The following RBM41 variants were observed in gnomAD, a reference collection of about 807,000 sequenced individuals.
RBM41 encodes the protein RNA binding motif protein 41.
Under a neutral mutation model 30.8 loss-of-function variants are expected in RBM41, and 14 were observed. The ratio of observed to expected loss-of-function variants is 0.45; its 90% CI spans 0.30 to 0.71. The LOEUF (loss-of-function observed/expected upper bound fraction) is 0.71. Ranked by LOEUF, RBM41 falls within the 30% of genes least tolerant of loss-of-function variation. RBM41 has a pLI of 0.08. For missense variants in RBM41, 276 were observed against 326.3 expected, an observed-to-expected ratio of 0.85 and a Z score of 1.19; for synonymous variants, 120 against 110.1, an observed-to-expected ratio of 1.09 and a Z score of -0.56.
chrX:107,056,809 A>C, the RBM41 span, among the ~76,000 whole-genome samples: 4 of 100,276 alleles, frequency 4.0e-5, no homozygotes, highest in Non-Finnish European at 7.7e-5. Flanking sequence ...TTCTCAAATA[A>C]TCTTTTTTTT....
At chrX:107,100,794 A>G (rs1923390622) in intron 5 of RBM41, among the ~76,000 whole-genome samples, 1 of 111,842 alleles carries the variant, frequency 8.9e-6, no homozygotes, top group Admixed American at 9.5e-5. Context: ...GAAAACATGT[A>G]CAAGAAAGAT....
At chrX:107,115,708 C>T in intron 3 of RBM41, 152 bp from the exon 4 acceptor site, 1 of 876,508 alleles carries the variant, frequency 1.1e-6, no homozygotes, top group South Asian at 2.7e-5. Flanking sequence ...TCTCTTTTAC[C>T]AATGTCTGCA....
intron 3 of RBM41, 21 bp downstream of exon 3, chrX:107,115,837 CAAAA>C (rs202135355): frequency 1.8e-6 from 2 of 1,118,391 alleles, no homozygotes; most frequent in East Asian, 6.2e-5. Flanking sequence ...GAAAAACCAA[CAAAA>C]AAAAACATTA....
At chrX:107,071,659 G>C (rs916945114) in intron 6 of RBM41, among the ~76,000 whole-genome samples, 1 of 111,832 alleles carries the variant, frequency 8.9e-6, no homozygotes, top group African/African-American at 3.2e-5. Context: ...AAAATTACAT[G>C]ATTATCTCAA....
At chrX:107,115,687 A>G in intron 3 of RBM41, 131 bp from the exon 4 acceptor site, 6 of 870,455 alleles carry the variant, frequency 6.9e-6, no homozygotes, top group Non-Finnish European at 8.0e-6. Context: ...CTAAGAAGTT[A>G]AAGAACAGCT....
Position 107,084,171 on chromosome X carries a change from C to CA in RBM41, c.999+4264dup, listed in dbSNP as rs755313372. ...AAAACAAATCAAAACAAAACAGCAACAAAAAAACCTCCTTAAATAGAGTCT... is the reference window on the plus strand; with the variant it reads ...AAAACAAATCAAAACAAAACAGCAACAAAAAAAACCTCCTTAAATAGAGTCT... On this transcript the variant is annotated intron_variant, in intron 6 of 7. Coordinates refer to ENST00000685964, the MANE Select transcript of RBM41 (RefSeq NM_001324242.2). Among the ~76,000 whole-genome samples, 38 of 104,509 alleles carry CA rather than the reference C, an allele frequency of 3.6e-4. 1 individual carries two copies. The South Asian group carries it at 0.011, about 31-fold the overall frequency. 90.8% of individuals were successfully genotyped at this position (104,509 alleles called of 115,157 possible). A position where few individuals can be genotyped will look rare whatever the true frequency, so the allele number is the denominator to read the frequency against.
In RBM41 at chrX:107,062,112, T is replaced by C. The variant is rs1935660770; in HGVS notation, c.*5415A>G. On this transcript the variant is annotated 3_prime_UTR_variant, in exon 8 of 8. Coordinates refer to ENST00000685964, the MANE Select transcript of RBM41 (RefSeq NM_001324242.2). The stretch of plus-strand genomic sequence containing the variant: ...GACATCCACTGAAGTTTTTTCTCCA[T>C]CCCTATTGTTTTGCTTTTTGAGAAA... Among the ~76,000 whole-genome samples the C allele has an allele frequency of 8.9e-6, 1 of 112,051 alleles. No homozygotes were observed. Among genetic ancestry groups the C allele is most frequent in the Admixed American group, 9.5e-5 (1 of 10,560 alleles).
intron 5 of RBM41, among the ~76,000 whole-genome samples, chrX:107,108,108 G>T (rs1163735209): frequency 9.0e-6 from 1 of 111,477 alleles, no homozygotes; most frequent in Non-Finnish European, 1.9e-5. Context: ...AGACTTTTGT[G>T]TAAGGACAAA....
chrX:107,100,818 G>A (rs1026092725), intron 5 of RBM41, among the ~76,000 whole-genome samples: 8 of 111,855 alleles, frequency 7.2e-5, no homozygotes, highest in African/African-American at 2.6e-4. Context: ...AGTGGCAGAA[G>A]TGATATATAC....
In RBM41 at chrX:107,069,308, T is replaced by G. The variant is rs765586561; in HGVS notation, c.1094A>C (p.Gln365Pro). ...RFQEKKGPPI[Q>P]FRMMTGRMRG... ...CATTCGTCCAGTCATCATTCGGAAT[T>G]GAATTGGAGGTCCTTTTTTCTCCTG... The change falls in exon 7 of 8, where the codon CAA becomes CCA. Residue 365 changes from glutamine to proline, a missense_variant. Gln to Pro is a moderately conservative substitution (Grantham distance 76). Coordinates refer to ENST00000685964, the MANE Select transcript of RBM41 (RefSeq NM_001324242.2). 8.3e-7 allele frequency: 1 copy of G among 1,210,416 alleles called. No individual in the cohort carries two copies. Among genetic ancestry groups the G allele is most frequent in the Non-Finnish European group, 1.1e-6 (1 of 894,988 alleles).
At chrX:107,071,373 A>C (rs1360107894) in intron 6 of RBM41, among the ~76,000 whole-genome samples, 1 of 111,473 alleles carries the variant, frequency 9.0e-6, no homozygotes, top group Non-Finnish European at 1.9e-5. Context: ...AGAGTACCTG[A>C]ATGGATAAAC....
At chrX:107,058,928 C>G (rs1460538842), downstream of RBM41, among the ~76,000 whole-genome samples, 1 of 110,864 alleles carries the variant, frequency 9.0e-6, no homozygotes, top group Non-Finnish European at 1.9e-5. Flanking sequence ...CCCTTACCTA[C>G]CAGATGGGAT....
chrX:107,115,862 C>T lies in RBM41; in HGVS notation c.318G>A (p.Lys106=). The T allele has an allele frequency of 8.5e-7, 1 of 1,179,150 alleles. No homozygotes were observed. The highest frequency in any genetic ancestry group is 1.1e-6 in the Non-Finnish European group (1 of 878,528). ...LIWKSHVSGE[K]KTKLRATPEA... ...CAAAAAAAAACATTACCCCACTCAC[C>T]TTTTCACCAGAAACATGGCTCTTCC... The change falls in exon 3 of 8, where the codon AAG becomes AAA. Residue 106 remains lysine (K), a splice_region_variant and synonymous_variant. Transcript: ENST00000685964.
At chrX:107,090,994 G>A (rs1310673758) in intron 5 of RBM41, among the ~76,000 whole-genome samples, 5 of 107,707 alleles carry the variant, frequency 4.6e-5, no homozygotes, top group African/African-American at 1.7e-4. Flanking sequence ...AGTGTGTGAT[G>A]TTCCCCTCCC....
chrX:107,105,556 G>C (rs1310047990), intron 5 of RBM41, among the ~76,000 whole-genome samples: 3 of 110,641 alleles, frequency 2.7e-5, no homozygotes, highest in East Asian at 5.7e-4. Flanking sequence ...AGTCCGCATT[G>C]CCAAGTCAAT....
chrX:107,091,930 G>A (rs1922574954), intron 5 of RBM41, among the ~76,000 whole-genome samples: 1 of 111,295 alleles, frequency 9.0e-6, no homozygotes, highest in Admixed American at 9.6e-5. Context: ...GATACACGTT[G>A]GTCTTATATC....
rs757117451 is a variant in RBM41, at chrX:107,062,077, C to G, written c.*5450G>C. On this transcript the variant is annotated 3_prime_UTR_variant, in exon 8 of 8. Transcript: ENST00000685964. ...CTTTGTAGTCAAGGAGCATTCCAAC[C>G]TTAACCCCTGACATCCACTGAAGTT... is the stretch of plus-strand genomic sequence containing the variant. 8.9e-6 allele frequency among the ~76,000 whole-genome samples: 1 copy of G among 111,927 alleles called. No individual in the cohort carries two copies. The highest frequency in any genetic ancestry group is 1.9e-5 in the Non-Finnish European group (1 of 53,205).
rs946245408 is a variant in RBM41 at position 107,062,537 on chromosome X, G to C, written c.*4990C>G. ...AAGTGAGCAGTATATCAAAGGAATA[G>C]GAGTTTGTCCTGAGTATAGTCAGAT... On this transcript the variant is annotated 3_prime_UTR_variant, in exon 8 of 8. Coordinates refer to ENST00000685964, the MANE Select transcript of RBM41 (RefSeq NM_001324242.2). 1.8e-5 allele frequency among the ~76,000 whole-genome samples: 2 copies of C among 111,318 alleles called. No homozygotes were observed. Among genetic ancestry groups the C allele is most frequent in the Admixed American group, 1.9e-4 (2 of 10,460 alleles).
chrX:107,110,678 C>T (rs149584260), intron 5 of RBM41, among the ~76,000 whole-genome samples: 1,479 of 111,133 alleles, frequency 0.013, 9 homozygotes, highest in Non-Finnish European at 0.019. Context: ...TCTCACACTT[C>T]CTGATTTCAA....
Sources: gnomAD v4.1 joint callset for allele counts (sites outside exome capture counted in the v4.1 genomes callset) on GRCh38, gnomAD v4.1.1 for gene constraint, MANE v1.5 for transcripts, NCBI Gene and HGNC (gene_info 2026-07-23, HGNC 2026-07-21) for gene names.